Variants in EFR3A observed in about 807,000 individuals in gnomAD.
EFR3A encodes EFR3 homolog A.
In EFR3A, 76 loss-of-function variants were observed where a neutral mutation model predicts 104.4. The observed-to-expected ratio is 0.73, with a 90% CI of 0.60 to 0.88. The LOEUF is 0.88. Among genes scored for constraint, EFR3A ranks in the 40% least tolerant of loss-of-function variants. The pLI is 0.00. For missense variants in EFR3A, 985 were observed against 1,012.5 expected (o/e 0.97, Z 0.37); for synonymous variants, 330 against 330.0 (o/e 1.00, Z 0.00).
intron 1 of EFR3A, among the ~76,000 whole-genome samples, chr8:131,908,384 G>C (rs978730682): frequency 1.3e-5 from 2 of 152,054 alleles, no homozygotes; most frequent in African/African-American, 4.8e-5. Context: ...ATATGCTCTC[G>C]CAATCAACAG....
At chr8:131,932,508 A>G (rs1362635371) in intron 1 of EFR3A, among the ~76,000 whole-genome samples, 1 of 152,118 alleles carries the variant, frequency 6.6e-6, no homozygotes, top group Non-Finnish European at 1.5e-5. Flanking sequence ...CTGTAAGTTC[A>G]GTTTCTTTTG....
intron 8 of EFR3A, among the ~76,000 whole-genome samples, chr8:131,965,116 G>T (rs1586616266): frequency 6.6e-6 from 1 of 152,220 alleles, no homozygotes; most frequent in Admixed American, 6.5e-5. Context: ...AAAAACCCTA[G>T]AAGAAAACCT....
rs1306240705 is a variant in EFR3A at position 131,972,794 on chromosome 8, A to G, written c.1159+2151A>G. ...TTCTGAAACTGGGCTTATGCCTTTTATCTGGGTAATTTTTTCACTTATGGG... is the reference window on the plus strand; with the variant it reads ...TTCTGAAACTGGGCTTATGCCTTTTGTCTGGGTAATTTTTTCACTTATGGG... On this transcript the variant is annotated intron_variant, in intron 10 of 22. Coordinates refer to ENST00000254624, the MANE Select transcript of EFR3A (RefSeq NM_015137.6). Among the ~76,000 whole-genome samples, 2 of 152,052 alleles carry G rather than the reference A, an allele frequency of 1.3e-5. 1 individual carries two copies. Among genetic ancestry groups the G allele is most frequent in the African/African-American group, 4.8e-5 (2 of 41,384 alleles).
At chr8:131,991,601 T>A (rs1330011199) in intron 18 of EFR3A, among the ~76,000 whole-genome samples, 4 of 151,852 alleles carry the variant, frequency 2.6e-5, no homozygotes, top group African/African-American at 7.3e-5. Context: ...ATAATGAAAA[T>A]TTTAAAAACA....
intron 6 of EFR3A, among the ~76,000 whole-genome samples, 175 bp downstream of exon 6, chr8:131,954,142 T>C (rs1375834416): frequency 1.3e-5 from 2 of 152,096 alleles, no homozygotes; most frequent in African/African-American, 4.8e-5. Flanking sequence ...GTGATCACAT[T>C]AGGCTTAGCA....
chr8:131,919,802 G>A (rs1816915206), intron 1 of EFR3A, among the ~76,000 whole-genome samples: 1 of 151,544 alleles, frequency 6.6e-6, no homozygotes, highest in East Asian at 1.9e-4. Flanking sequence ...GAAAACGAAA[G>A]ACTCTGAAAT....
chr8:131,927,584 C>T (rs970954327), intron 1 of EFR3A, among the ~76,000 whole-genome samples: 10 of 152,036 alleles, frequency 6.6e-5, no homozygotes, highest in Admixed American at 1.3e-4. Context: ...GCAGCAAAGT[C>T]GGTATAGTAT....
intron 8 of EFR3A, among the ~76,000 whole-genome samples, chr8:131,961,554 G>T (rs561146702): frequency 1.3e-5 from 2 of 152,186 alleles, no homozygotes; most frequent in African/African-American, 2.4e-5. Flanking sequence ...AGAAATATGG[G>T]ACTACGTGAA....
intron 2 of EFR3A, 54 bp downstream of exon 2, chr8:131,940,629 C>A: frequency 6.4e-7 from 1 of 1,562,008 alleles, no homozygotes; most frequent in Non-Finnish European, 8.7e-7. Flanking sequence ...TTCTGCCCCC[C>A]GCTGACCTCC....
intron 18 of EFR3A, among the ~76,000 whole-genome samples, chr8:131,992,706 G>A (rs1463178698): frequency 6.6e-6 from 1 of 152,136 alleles, no homozygotes; most frequent in Non-Finnish European, 1.5e-5. Context: ...ATGACGAAGG[G>A]CAGGTAATGA....
In EFR3A at chr8:132,001,770, TGAA is replaced by T. The variant is rs746560041; in HGVS notation, c.2173_2175del (p.Glu725del). ...TCACTTTTCTCTAGGTTAGTAACAC[TGAA>T]GAAATCACTTTTGAAGCATTGAAGA... On this transcript the variant is annotated inframe_deletion, in exon 20 of 23. Transcript: ENST00000254624. The T allele has an allele frequency of 1.5e-5, 25 of 1,613,294 alleles. 1 individual carries two copies. In the South Asian group the frequency reaches 2.7e-4, roughly 18 times the overall value.
chr8:131,946,740 C>T (rs1022981951), intron 4 of EFR3A, 107 bp downstream of exon 4: 34 of 1,031,672 alleles, frequency 3.3e-5, no homozygotes, highest in Non-Finnish European at 4.2e-5. Context: ...CTGAATAGGG[C>T]ATTTGAACAG....
chr8:131,969,186 T>TA, intron 9 of EFR3A, among the ~76,000 whole-genome samples: 1 of 152,296 alleles, frequency 6.6e-6, no homozygotes, highest in East Asian at 1.9e-4. Flanking sequence ...ATATTTTACT[T>TA]ACATGTAACT....
intron 4 of EFR3A, among the ~76,000 whole-genome samples, chr8:131,948,892 G>A (rs1013426540): frequency 6.6e-6 from 1 of 151,978 alleles, no homozygotes; most frequent in Non-Finnish European, 1.5e-5. Flanking sequence ...AATGGTGTTC[G>A]TACGGTTTAA....
Position 131,984,184 on chromosome 8 carries a change from G to C in EFR3A, c.1621G>C (p.Glu541Gln), listed in dbSNP as rs1164378167. 6.2e-7 allele frequency: 1 copy of C among 1,612,624 alleles called. No individual in the cohort carries two copies. Among genetic ancestry groups the C allele is most frequent in the Admixed American group, 1.7e-5 (1 of 59,852 alleles). Residue 541 changes from glutamate (E) to glutamine (Q), a missense_variant, in exon 15 of 23, where the codon GAA (glutamate) becomes CAA (glutamine). Glu to Gln is a conservative substitution (Grantham distance 29, BLOSUM62 2). Transcript: ENST00000254624. Reference protein sequence around the residue: ...YRHIYLGCKEEDNVQKNYELL... With the variant: ...YRHIYLGCKEQDNVQKNYELL... ...GCACATATATTTGGGTTGTAAAGAGGAAGACAACGTTCAGAAAAACTATGA... is the reference window on the plus strand; with the variant it reads ...GCACATATATTTGGGTTGTAAAGAGCAAGACAACGTTCAGAAAAACTATGA...
chr8:131,923,982 G>C (rs1026231118), intron 1 of EFR3A, among the ~76,000 whole-genome samples: 1 of 152,044 alleles, frequency 6.6e-6, no homozygotes, highest in African/African-American at 2.4e-5. Flanking sequence ...CGTTTAGCTT[G>C]TGCTACTTAG....
At chr8:131,914,046 G>A (rs963617853) in intron 1 of EFR3A, among the ~76,000 whole-genome samples, 2 of 152,180 alleles carry the variant, frequency 1.3e-5, no homozygotes, top group African/African-American at 4.8e-5. Context: ...AGGTGGAAAT[G>A]CTTTATGAAC....
chr8:131,966,652 C>G (rs991550070), intron 8 of EFR3A, among the ~76,000 whole-genome samples: 2 of 152,126 alleles, frequency 1.3e-5, no homozygotes, highest in African/African-American at 2.4e-5. Flanking sequence ...ATAAAATGCT[C>G]TCTTAATCTG....
At chr8:131,907,834 A>G (rs1363062076) in intron 1 of EFR3A, among the ~76,000 whole-genome samples, 1 of 122,226 alleles carries the variant, frequency 8.2e-6, no homozygotes. Flanking sequence ...CTCCCCTCCC[A>G]TCTCCCTCCT....
Sources: allele counts gnomAD v4.1 joint callset (sites outside exome capture counted in the v4.1 genomes callset), GRCh38; gene constraint gnomAD v4.1.1; transcripts MANE v1.5; gene names NCBI Gene and HGNC (gene_info 2026-07-23, HGNC 2026-07-21).